PDE10A: variants seen among roughly 807,000 people sequenced by gnomAD.
PDE10A encodes the protein phosphodiesterase 10A, also known as cAMP and cAMP-inhibited cGMP 3',5'-cyclic phosphodiesterase 10A.
In PDE10A, 39 loss-of-function variants were observed where a neutral mutation model predicts 97.7. The observed-to-expected ratio is 0.40, with a 90% CI of 0.31 to 0.52. The LOEUF (loss-of-function observed/expected upper bound fraction) is 0.52. Among genes scored for constraint, PDE10A ranks in the 20% least tolerant of loss-of-function variants. The pLI is 0.56. For synonymous variants in PDE10A, 371 were observed against 376.8 expected (o/e 0.98, Z 0.18); for missense variants, 731 against 1,047.8 (o/e 0.70, Z 4.17).
At chr6:165,370,776 A>AT (rs1467824096) in intron 18 of PDE10A, among the ~76,000 whole-genome samples, 1 of 148,608 alleles carries the variant, frequency 6.7e-6, no homozygotes, top group Non-Finnish European at 1.5e-5. Flanking sequence ...CAGAATATAC[A>AT]TTTTTTTCAG....
At chr6:165,361,473 G>C (rs931515092) in intron 18 of PDE10A, among the ~76,000 whole-genome samples, 3 of 152,212 alleles carry the variant, frequency 2.0e-5, no homozygotes, top group Non-Finnish European at 4.4e-5. Flanking sequence ...CCCTCAAAGA[G>C]ATATGCTGAA....
chr6:165,922,402 C>A (rs530439480), intron 1 of PDE10A, among the ~76,000 whole-genome samples: 47 of 152,276 alleles, frequency 3.1e-4, no homozygotes, highest in African/African-American at 1.1e-3. Context: ...ACAAGCACAG[C>A]TGAGGTATGC....
At chr6:165,789,562 G>A (rs1251376331) in intron 1 of PDE10A, among the ~76,000 whole-genome samples, 1 of 152,042 alleles carries the variant, frequency 6.6e-6, no homozygotes, top group African/African-American at 2.4e-5. Flanking sequence ...TATTACTTTG[G>A]TTAAAATAAT....
intron 3 of PDE10A, among the ~76,000 whole-genome samples, chr6:165,471,332 T>C (rs759524573): frequency 5.3e-5 from 8 of 152,168 alleles, no homozygotes; most frequent in Non-Finnish European, 1.2e-4. Context: ...CACTCACCTG[T>C]CAAGTGATCT....
chr6:165,935,069 A>G (rs1783278900), intron 1 of PDE10A, among the ~76,000 whole-genome samples: 1 of 152,232 alleles, frequency 6.6e-6, no homozygotes, highest in African/African-American at 2.4e-5. Flanking sequence ...CAAGAAGTTC[A>G]CAGTCTAGTG....
intron 1 of PDE10A, among the ~76,000 whole-genome samples, chr6:165,741,047 G>T (rs1425245995): frequency 1.3e-5 from 2 of 152,050 alleles, no homozygotes; most frequent in Non-Finnish European, 2.9e-5. Flanking sequence ...CTAATGTACA[G>T]TGTGGTGACT....
intron 16 of PDE10A, among the ~76,000 whole-genome samples, chr6:165,391,416 G>C (rs1191707746): frequency 6.6e-6 from 1 of 152,076 alleles, no homozygotes; most frequent in African/African-American, 2.4e-5. Flanking sequence ...AATGCAACTT[G>C]AAAGTATAAT....
At chr6:165,509,986 G>T (rs1458056348) in intron 2 of PDE10A, among the ~76,000 whole-genome samples, 1 of 151,902 alleles carries the variant, frequency 6.6e-6, no homozygotes, top group Non-Finnish European at 1.5e-5. Flanking sequence ...GTGTCTTTTG[G>T]TTTTTCTAAA....
intron 1 of PDE10A, among the ~76,000 whole-genome samples, chr6:165,884,488 G>A (rs1434364719): frequency 6.6e-6 from 1 of 152,188 alleles, no homozygotes; most frequent in Admixed American, 6.5e-5. Context: ...TCGAGTGGCA[G>A]AGTTGAAATC....
chr6:165,849,354 C>T (rs1030275937), intron 1 of PDE10A, among the ~76,000 whole-genome samples: 2 of 152,208 alleles, frequency 1.3e-5, no homozygotes, highest in Non-Finnish European at 2.9e-5. Flanking sequence ...TTTTCTGTCT[C>T]TGCAGTGTCA....
intron 1 of PDE10A, among the ~76,000 whole-genome samples, chr6:165,624,906 C>T (rs944915717): frequency 3.3e-5 from 5 of 152,188 alleles, no homozygotes; most frequent in African/African-American, 1.2e-4. Context: ...TCTGGGGAGA[C>T]CCGTTGGTAG....
intron 1 of PDE10A, among the ~76,000 whole-genome samples, chr6:165,693,510 G>A (rs1791360004): frequency 8.5e-6 from 1 of 118,298 alleles, no homozygotes; most frequent in Non-Finnish European, 1.7e-5. Context: ...CAGCTTGGGC[G>A]GCAGAGGGAG....
chr6:165,822,243 C>A (rs929959822), intron 1 of PDE10A, among the ~76,000 whole-genome samples: 1 of 151,914 alleles, frequency 6.6e-6, no homozygotes, highest in Non-Finnish European at 1.5e-5. Flanking sequence ...TGGCACAGCC[C>A]ACCACACACC....
intron 1 of PDE10A, among the ~76,000 whole-genome samples, chr6:165,732,651 CTT>C (rs1199587830): frequency 6.6e-6 from 1 of 152,232 alleles, no homozygotes; most frequent in Admixed American, 6.5e-5. Flanking sequence ...ACTCCTCACA[CTT>C]TGCAAATTTC....
rs1455036172 is a variant in PDE10A at position 165,573,504 on chromosome 6, T to C, written c.866-29936A>G. On this transcript the variant is annotated intron_variant, in intron 1 of 21. Transcript: ENST00000539869. Reference sequence around the variant, plus strand: ...CATAGATTTACTAAGACAGGGTTCATTGTCCAAATACTGGTGACAGAGTTT... The same window carrying C: ...CATAGATTTACTAAGACAGGGTTCACTGTCCAAATACTGGTGACAGAGTTT... 2.0e-5 allele frequency among the ~76,000 whole-genome samples: 3 copies of C among 152,340 alleles called. No individual in the cohort carries two copies. In the East Asian group the frequency reaches 5.8e-4, roughly 29 times the overall value.
At chr6:165,570,243 C>A (rs113614743) in intron 1 of PDE10A, among the ~76,000 whole-genome samples, 1,763 of 152,214 alleles carry the variant, frequency 0.012, 31 homozygotes, top group African/African-American at 0.041. Flanking sequence ...CAGAATGAAT[C>A]TTTTAATAAC....
At chr6:165,528,705 CT>C (rs1235152008) in intron 2 of PDE10A, among the ~76,000 whole-genome samples, 1 of 152,220 alleles carries the variant, frequency 6.6e-6, no homozygotes. Flanking sequence ...CAGGCACTCA[CT>C]TTATGGCTAA....
chr6:165,581,107 A>G (rs1397341231), intron 1 of PDE10A, among the ~76,000 whole-genome samples: 1 of 152,246 alleles, frequency 6.6e-6, no homozygotes, highest in Non-Finnish European at 1.5e-5. Flanking sequence ...ATAAGAGGTA[A>G]GAAAACCTGT....
intron 13 of PDE10A, among the ~76,000 whole-genome samples, chr6:165,410,551 C>G (rs1432106437): frequency 6.6e-6 from 1 of 152,048 alleles, no homozygotes; most frequent in African/African-American, 2.4e-5. Context: ...AAGAGACAGA[C>G]AGAATGAACG....
Sources: allele counts gnomAD v4.1 joint callset (sites outside exome capture counted in the v4.1 genomes callset), GRCh38; gene constraint gnomAD v4.1.1; transcripts MANE v1.5; gene names NCBI Gene and HGNC (gene_info 2026-07-23, HGNC 2026-07-21).